The following XKR4 variants were observed in gnomAD, a reference collection of about 807,000 sequenced individuals.
XKR4 encodes XK related 4.
XKR4 carries 12 observed loss-of-function variants against 53.9 expected under a neutral mutation model. The observed-to-expected ratio is 0.22, with a 90% CI of 0.14 to 0.36. The LOEUF is 0.36. Among genes scored for constraint, XKR4 ranks in the 10% least tolerant of loss-of-function variants. The pLI is 1.00. For synonymous variants in XKR4, 354 were observed against 362.4 expected (o/e 0.98, Z 0.26); for missense variants, 799 against 859.5 (o/e 0.93, Z 0.88).
At chr8:55,474,115 T>C (rs1805939296) in intron 2 of XKR4, among the ~76,000 whole-genome samples, 1 of 152,054 alleles carries the variant, frequency 6.6e-6, no homozygotes, top group South Asian at 2.1e-4. Flanking sequence ...CTCGCTATGT[T>C]ACCCAGGCTG....
At chr8:55,375,694 T>A (rs961111427) in intron 2 of XKR4, among the ~76,000 whole-genome samples, 3 of 149,736 alleles carry the variant, frequency 2.0e-5, no homozygotes, top group South Asian at 2.1e-4. Context: ...TATGAGGAAA[T>A]AAGATACATT....
intron 2 of XKR4, chr8:55,451,170 C>A: frequency 1.8e-6 from 1 of 545,208 alleles, no homozygotes; most frequent in South Asian, 2.1e-5. Flanking sequence ...GGCCGGGGGA[C>A]ACCCGTTGGC....
chr8:55,144,530 A>C (rs1208132337), intron 1 of XKR4, among the ~76,000 whole-genome samples: 3 of 152,200 alleles, frequency 2.0e-5, no homozygotes, highest in Admixed American at 1.3e-4. Context: ...GTGCTGTTAG[A>C]TCTTCCAATT....
chr8:55,479,308 A>C (rs1056511953), intron 2 of XKR4, among the ~76,000 whole-genome samples: 1 of 152,156 alleles, frequency 6.6e-6, no homozygotes, highest in Non-Finnish European at 1.5e-5. Context: ...TTCTGGGTAC[A>C]TAACAAAATG....
At chr8:55,137,820 C>T (rs1816652330) in intron 1 of XKR4, among the ~76,000 whole-genome samples, 1 of 152,080 alleles carries the variant, frequency 6.6e-6, no homozygotes, top group African/African-American at 2.4e-5. Context: ...GATCCTCCCA[C>T]CTTGGCCTTC....
chr8:55,459,905 C>A (rs1270142695), intron 2 of XKR4, among the ~76,000 whole-genome samples: 2 of 151,124 alleles, frequency 1.3e-5, no homozygotes, highest in Non-Finnish European at 2.9e-5. Context: ...AATGTATGAC[C>A]CACTAATTCC....
At chr8:55,317,240 G>A (rs1819490409) in intron 1 of XKR4, among the ~76,000 whole-genome samples, 2 of 152,154 alleles carry the variant, frequency 1.3e-5, no homozygotes, top group African/African-American at 4.8e-5. Context: ...CATAGATGAT[G>A]AGTGAACAAA....
intron 1 of XKR4, among the ~76,000 whole-genome samples, chr8:55,256,221 A>C (rs769735455): frequency 1.3e-5 from 2 of 152,106 alleles, no homozygotes; most frequent in Non-Finnish European, 2.9e-5. Context: ...AGAATGAAGG[A>C]AGTTGAGACT....
At chr8:55,486,304 T>G (rs1021165694) in intron 2 of XKR4, among the ~76,000 whole-genome samples, 1 of 152,232 alleles carries the variant, frequency 6.6e-6, no homozygotes, top group East Asian at 1.9e-4. Context: ...CCCCTGCATA[T>G]GCAGTCACCC....
At chr8:55,354,863 A>T (rs1021990305) in intron 1 of XKR4, among the ~76,000 whole-genome samples, 3 of 151,934 alleles carry the variant, frequency 2.0e-5, no homozygotes, top group Admixed American at 6.6e-5. Flanking sequence ...AAAAAGTAAT[A>T]TTTGACACAA....
At chr8:55,445,972 A>G (rs139719883) in intron 2 of XKR4, among the ~76,000 whole-genome samples, 2 of 152,356 alleles carry the variant, frequency 1.3e-5, no homozygotes, top group East Asian at 3.9e-4. Context: ...AGAATCTTCC[A>G]AAGAAAAATC....
intron 1 of XKR4, among the ~76,000 whole-genome samples, chr8:55,329,384 CT>C (rs529323804): frequency 0.012 from 1,765 of 143,976 alleles, 6 homozygotes; most frequent in Middle Eastern, 0.021. Flanking sequence ...TTTTTTTGCA[CT>C]TTTTTTTTTT....
chr8:55,153,328 C>T (rs1004628611), intron 1 of XKR4, among the ~76,000 whole-genome samples: 1 of 152,024 alleles, frequency 6.6e-6, no homozygotes, highest in African/African-American at 2.4e-5. Flanking sequence ...AGTTTTTCTC[C>T]CGAGGGAAGA....
intron 2 of XKR4, among the ~76,000 whole-genome samples, chr8:55,474,358 GGA>G: frequency 6.6e-6 from 1 of 152,186 alleles, no homozygotes; most frequent in Middle Eastern, 3.4e-3. Flanking sequence ...ACATATTCCT[GGA>G]GTATGCTCTC....
chr8:55,345,914 C>CT (rs1003417507), intron 1 of XKR4, among the ~76,000 whole-genome samples: 211 of 151,154 alleles, frequency 1.4e-3, no homozygotes, highest in African/African-American at 4.8e-3. Flanking sequence ...AATTCATTCA[C>CT]TTTTTTTTTG....
chr8:55,352,590 T>C (rs1423333841), intron 1 of XKR4, among the ~76,000 whole-genome samples: 1 of 152,232 alleles, frequency 6.6e-6, no homozygotes, highest in Non-Finnish European at 1.5e-5. Flanking sequence ...AGTCAATCAA[T>C]AAATAGTAAG....
rs751762924 is a variant in XKR4, at chr8:55,523,870, C to T, written c.1596C>T (p.Ala532=). The change falls in exon 3 of 3, where the codon GCC becomes GCT. Residue 532 remains alanine (A), a synonymous_variant. Coordinates refer to ENST00000327381, the MANE Select transcript of XKR4 (RefSeq NM_052898.2). ...CAAGTTGTGCTTGTGAGGACCCAGC[C>T]GCTGCCTTCACTTTGCCCCCAGACG... ...QSPSCACEDP[A]AAFTLPPDVA... is the part of the protein sequence containing the mutation. 23 of 1,614,078 alleles carry T rather than the reference C, an allele frequency of 1.4e-5. No homozygotes were observed. The East Asian group carries it at 2.0e-4, about 14-fold the overall frequency.
At chr8:55,494,908 C>A (rs1806320077) in intron 2 of XKR4, among the ~76,000 whole-genome samples, 1 of 152,130 alleles carries the variant, frequency 6.6e-6, no homozygotes, top group Non-Finnish European at 1.5e-5. Context: ...TTCATGACCT[C>A]CCCAGCTGGA....
Position 55,264,948 on chromosome 8 carries a change from C to A in XKR4, c.807-92730C>A, listed in dbSNP as rs574105936. ...AAATTCCAAACCAAAAAAGTCTCTTCTAGCTGCTAGATGCCAGATAGTTCT... is the reference window on the plus strand; with the variant it reads ...AAATTCCAAACCAAAAAAGTCTCTTATAGCTGCTAGATGCCAGATAGTTCT... On this transcript the variant is annotated intron_variant, in intron 1 of 2. Transcript: ENST00000327381. 2.0e-5 allele frequency among the ~76,000 whole-genome samples: 3 copies of A among 152,342 alleles called. No individual in the cohort carries two copies. In the South Asian group the frequency reaches 6.2e-4, roughly 32 times the overall value.
Sources: allele counts gnomAD v4.1 joint callset (sites outside exome capture counted in the v4.1 genomes callset), GRCh38; gene constraint gnomAD v4.1.1; transcripts MANE v1.5; gene names NCBI Gene and HGNC (gene_info 2026-07-23, HGNC 2026-07-21).